ZNF396: variants seen among roughly 807,000 people sequenced by gnomAD.
The protein encoded by ZNF396 is zinc finger protein 396, also known as zinc finger and SCAN domain-containing protein 14.
Under a neutral mutation model 20.5 loss-of-function variants are expected in ZNF396, and 14 were observed. The observed-to-expected ratio is 0.68, with a 90% CI of 0.45 to 1.07. The LOEUF (loss-of-function observed/expected upper bound fraction) is 1.07. Among genes scored for constraint, ZNF396 ranks in the 50% least tolerant of loss-of-function variants. The pLI is 0.00. For synonymous variants in ZNF396, 119 were observed against 140.6 expected, an observed-to-expected ratio of 0.85 and a Z score of 1.08; for missense variants, 347 against 390.1, an observed-to-expected ratio of 0.89 and a Z score of 0.93.
In ZNF396 at chr18:35,369,219, G is replaced by T; in HGVS notation, c.1004C>A (p.Pro335Gln). The change falls in exon 4 of 4, where the codon CCA (proline) becomes CAA (glutamine). Residue 335 changes from proline (P) to glutamine (Q), a missense_variant. Pro to Gln is a moderately conservative substitution (Grantham distance 76). Coordinates refer to ENST00000589332, the MANE Select transcript of ZNF396 (RefSeq NM_001322286.2). ...HRKRHIRKKV[P>Q] ...GCTTTGATTCCCTCATGATACTTAT[G>T]GGACTTTTTTTCTAATGTGTCTTTT... The T allele has an allele frequency of 6.4e-7, 1 of 1,568,084 alleles. No homozygotes were observed. Among genetic ancestry groups the T allele is most frequent in the South Asian group, 1.2e-5 (1 of 85,118 alleles).
intron 3 of ZNF396, chr18:35,371,967 G>A (rs1034005421): frequency 1.3e-5 from 2 of 152,148 alleles, no homozygotes; most frequent in African/African-American, 2.4e-5. Context: ...GTACTTTACA[G>A]TACTGAGACC....
chr18:35,373,652 G>T, intron 2 of ZNF396, 52 bp from the exon 3 acceptor site: 1 of 1,592,022 alleles, frequency 6.3e-7, no homozygotes. Flanking sequence ...TGGGACTTGA[G>T]GATAAAATAA....
rs2143889825 is a variant in ZNF396 at position 35,368,804 on chromosome 18, A to C, written c.*411T>G. The C allele has an allele frequency of 1.0e-6, 1 of 993,518 alleles. No individual in the cohort carries two copies. Among genetic ancestry groups the C allele is most frequent in the South Asian group, 4.7e-5 (1 of 21,486 alleles). The allele number at this position is 993,518 out of a possible 1,614,324, so 61.5% of individuals were successfully genotyped here. On this transcript the variant is annotated 3_prime_UTR_variant, in exon 4 of 4. Coordinates refer to ENST00000589332, the MANE Select transcript of ZNF396 (RefSeq NM_001322286.2). The stretch of plus-strand genomic sequence containing the variant: ...TTTGGTCTTTAGAATTCTAGTGCTC[A>C]AGTTATGAAATGGAGGAGAATGTCT...
chr18:35,368,469 AATTTATTTTTATTTTT>A lies in ZNF396; in HGVS notation c.*730_*745del, dbSNP rs757057331. The A allele has an allele frequency of 4.9e-5, 38 of 778,754 alleles. No individual in the cohort carries two copies. In the Admixed American group the frequency reaches 1.3e-3, roughly 27 times the overall value. The allele number at this position is 778,754 out of a possible 1,614,324, so 48.2% of individuals were successfully genotyped here. A position where few individuals can be genotyped will look rare whatever the true frequency, so the allele number is the denominator to read the frequency against. ...ATCTAGTAACAGAAGACAAAATAGG[AATTTATTTTTATTTTT>A]ATTTATTTATTTATTTATTTATTTA... On this transcript the variant is annotated 3_prime_UTR_variant, in exon 4 of 4. Transcript: ENST00000589332.
chr18:35,372,002 T>C (rs1384362410), intron 3 of ZNF396: 1 of 152,212 alleles, frequency 6.6e-6, no homozygotes, highest in African/African-American at 2.4e-5. Flanking sequence ...GAAGCTTTCA[T>C]AAGACATGAC....
At chr18:35,375,067 G>A (rs1238812096) in intron 1 of ZNF396, among the ~76,000 whole-genome samples, 4 of 151,962 alleles carry the variant, frequency 2.6e-5, no homozygotes, top group African/African-American at 7.3e-5. Flanking sequence ...GTCTCATGAG[G>A]GAAGCACTTT....
intron 3 of ZNF396, chr18:35,372,594 C>T (rs1421305321): frequency 6.6e-6 from 1 of 152,182 alleles, no homozygotes; most frequent in Non-Finnish European, 1.5e-5. Flanking sequence ...TCTCTGGCTC[C>T]TATTTTATCC....
intron 3 of ZNF396, 123 bp from the exon 4 acceptor site, chr18:35,369,783 A>G: frequency 9.8e-7 from 1 of 1,019,168 alleles, no homozygotes; most frequent in Non-Finnish European, 1.4e-6. Flanking sequence ...TGTAAGACAA[A>G]ATATTGAGAA....
rs886924381 is a variant in ZNF396, at chr18:35,374,463, T to C, written c.-72-99A>G. 4 of 595,788 alleles carry C rather than the reference T, an allele frequency of 6.7e-6. No individual in the cohort carries two copies. The Admixed American group carries it at 1.2e-4, about 18-fold the overall frequency. 36.9% of individuals were successfully genotyped at this position (595,788 alleles called of 1,614,324 possible). On this transcript the variant is annotated intron_variant, in intron 1 of 3. Transcript: ENST00000589332. The surrounding 1 kb of genome is among the most constrained non-coding windows in gnomAD (Gnocchi z 4.3). ...TAGAAACATAAGACTGTATAGGAAC[T>C]ACTGACCTTAGTCTTAACAGAAACC...
At chr18:35,376,343 T>C (rs1433252518) in intron 1 of ZNF396, 1 of 152,206 alleles carries the variant, frequency 6.6e-6, no homozygotes, top group Non-Finnish European at 1.5e-5. Context: ...TTGAACACCT[T>C]AGTAAAAATA....
At position 35,368,321 on chromosome 18, in the gene ZNF396, T is replaced by A; in HGVS notation, c.*894A>T. The A allele has an allele frequency of 7.9e-7, 1 of 1,262,678 alleles. No homozygotes were observed. The highest frequency in any genetic ancestry group is 1.1e-6 in the Non-Finnish European group (1 of 940,226). The allele number at this position is 1,262,678 out of a possible 1,614,324, so 78.2% of individuals were successfully genotyped here. A position where few individuals can be genotyped will look rare whatever the true frequency, so the allele number is the denominator to read the frequency against. The stretch of plus-strand genomic sequence containing the variant: ...CTTGATATTAATAGTATGGAGGCTC[T>A]TGTGTGCTTTCATAAGATAAGGCCT... On this transcript the variant is annotated 3_prime_UTR_variant, in exon 4 of 4. Transcript: ENST00000589332.
intron 2 of ZNF396, 100 bp downstream of exon 2, chr18:35,373,776 T>C: frequency 2.0e-6 from 3 of 1,514,958 alleles, no homozygotes; most frequent in Admixed American, 2.0e-5. Flanking sequence ...ATACATCCAG[T>C]TGTGCTGAGT....
At chr18:35,373,799 T>C in intron 2 of ZNF396, 77 bp downstream of exon 2, 1 of 1,535,524 alleles carries the variant, frequency 6.5e-7, no homozygotes, top group South Asian at 1.3e-5. Flanking sequence ...GAATACAGTT[T>C]GAGAGCTCTA....
intron 1 of ZNF396, among the ~76,000 whole-genome samples, chr18:35,376,911 T>C (rs1194359250): frequency 6.6e-6 from 1 of 151,978 alleles, no homozygotes; most frequent in East Asian, 1.9e-4. Flanking sequence ...TACCCTGCTG[T>C]GGTGGGCCGG....
intron 1 of ZNF396, among the ~76,000 whole-genome samples, chr18:35,376,827 C>CGTCCCTGG (rs1161407090): frequency 1.3e-5 from 2 of 152,178 alleles, no homozygotes; most frequent in Non-Finnish European, 2.9e-5. Context: ...CCAGAAAGAA[C>CGTCCCTGG]GTCCCTGGAG....
rs908768924 is a variant in ZNF396 at position 35,373,816 on chromosome 18, A to G, written c.417+60T>C. ...ATACAGTTTGAGAGCTCTACTCCCA[A>G]TGATGTGCCAGTGCTCTTGACTCAG... On this transcript the variant is annotated intron_variant, in intron 2 of 3. Coordinates refer to ENST00000589332, the MANE Select transcript of ZNF396 (RefSeq NM_001322286.2). 25 of 1,557,786 alleles carry G rather than the reference A, an allele frequency of 1.6e-5. 1 individual carries two copies. The highest frequency in any genetic ancestry group is 5.5e-5 in the Admixed American group (3 of 54,532).
rs2045134326 is a variant in ZNF396, at chr18:35,369,028, T to C, written c.*187A>G. 2.9e-6 allele frequency: 4 copies of C among 1,373,818 alleles called. No individual in the cohort carries two copies. The highest frequency in any genetic ancestry group is 2.8e-6 in the Non-Finnish European group (3 of 1,069,946). The allele number at this position is 1,373,818 out of a possible 1,614,324, so 85.1% of individuals were successfully genotyped here. ...TGCAAACGTCAGAATTGAGACTGCA[T>C]TGATAAGCAGAAAAGCAAATAATGC... On this transcript the variant is annotated 3_prime_UTR_variant, in exon 4 of 4. Transcript: ENST00000589332.
At chr18:35,369,998 G>A (rs2143894419) in intron 3 of ZNF396, among the ~76,000 whole-genome samples, 1 of 152,280 alleles carries the variant, frequency 6.6e-6, no homozygotes, top group South Asian at 2.1e-4. Flanking sequence ...GGAATCCAAT[G>A]TGCCAGTGGG....
chr18:35,372,864 C>G (rs1487280308), intron 3 of ZNF396: 4 of 152,348 alleles, frequency 2.6e-5, no homozygotes, highest in Non-Finnish European at 5.9e-5. Context: ...CTCTAGCCCC[C>G]TTATTCTGTT....
Sources: gnomAD v4.1 joint callset for allele counts (sites outside exome capture counted in the v4.1 genomes callset) on GRCh38, gnomAD v4.1.1 for gene constraint, Gnocchi (gnomAD v3.1) non-coding constraint, MANE v1.5 for transcripts, NCBI Gene and HGNC (gene_info 2026-07-23, HGNC 2026-07-21) for gene names.